The following XKR4 variants were observed in gnomAD, a reference collection of about 807,000 sequenced individuals.
The protein encoded by XKR4 is XK related 4, also known as XK-related protein 4.
In XKR4, 12 loss-of-function variants were observed where a neutral mutation model predicts 53.9. That is an observed-to-expected ratio of 0.22 (90% confidence interval 0.14 to 0.36). XKR4 has a LOEUF of 0.36. Among genes scored for constraint, XKR4 ranks in the 10% least tolerant of loss-of-function variants. XKR4 has a pLI of 1.00. For missense variants in XKR4, 799 were observed against 859.5 expected, an observed-to-expected ratio of 0.93 and a Z score of 0.88; for synonymous variants, 354 against 362.4, an observed-to-expected ratio of 0.98 and a Z score of 0.26.
intron 2 of XKR4, among the ~76,000 whole-genome samples, chr8:55,512,511 T>G (rs892586393): frequency 6.6e-6 from 1 of 152,198 alleles, no homozygotes; most frequent in Admixed American, 6.5e-5. Flanking sequence ...CAAGCCTTAG[T>G]ACACGGGTTC....
chr8:55,427,247 A>G (rs910033427), intron 2 of XKR4, among the ~76,000 whole-genome samples: 2 of 152,262 alleles, frequency 1.3e-5, no homozygotes, highest in Non-Finnish European at 2.9e-5. Context: ...GTAAAAGTAT[A>G]TTAGATGATT....
At chr8:55,131,064 CAGG>C (rs1816547179) in intron 1 of XKR4, among the ~76,000 whole-genome samples, 1 of 152,052 alleles carries the variant, frequency 6.6e-6, no homozygotes, top group Non-Finnish European at 1.5e-5. Flanking sequence ...GAGGCTGAGG[CAGG>C]AGAATCACTT....
intron 1 of XKR4, among the ~76,000 whole-genome samples, chr8:55,206,355 G>A (rs890423748): frequency 3.9e-5 from 6 of 152,124 alleles, no homozygotes; most frequent in Non-Finnish European, 5.9e-5. Context: ...TGGACACAGA[G>A]TGCTGATTGG....
chr8:55,460,622 A>G (rs1383736005), intron 2 of XKR4, among the ~76,000 whole-genome samples: 2 of 152,194 alleles, frequency 1.3e-5, no homozygotes, highest in East Asian at 3.9e-4. Flanking sequence ...AGGGAGTGCC[A>G]GACAGTGGGT....
intron 2 of XKR4, among the ~76,000 whole-genome samples, chr8:55,461,809 G>A (rs1224481147): frequency 6.6e-6 from 1 of 152,218 alleles, no homozygotes; most frequent in African/African-American, 2.4e-5. Context: ...ACCAAGGCAC[G>A]AGAACTATGT....
At position 55,539,047 on chromosome 8, in the gene XKR4, G is replaced by A. The variant is rs1415257731; in HGVS notation, c.*14820G>A. 6.6e-6 allele frequency: 1 copy of A among 152,200 alleles called. No homozygotes were observed. The highest frequency in any genetic ancestry group is 1.5e-5 in the Non-Finnish European group (1 of 68,038). The allele number at this position is 152,200 out of a possible 1,614,324, so 9.4% of individuals were successfully genotyped here. On this transcript the variant is annotated 3_prime_UTR_variant, in exon 3 of 3. Transcript: ENST00000327381. ...TCTACTAAAGGATAAAGGACACAGTGTGAAAACAACATCAGAGAATATCCT... is the reference window on the plus strand; with the variant it reads ...TCTACTAAAGGATAAAGGACACAGTATGAAAACAACATCAGAGAATATCCT...
chr8:55,429,333 A>G (rs938913388), intron 2 of XKR4, among the ~76,000 whole-genome samples: 7 of 152,218 alleles, frequency 4.6e-5, no homozygotes, highest in Admixed American at 3.9e-4. Flanking sequence ...TTAGAAGATA[A>G]TACTGATGAA....
chr8:55,178,954 G>A (rs1414299175), intron 1 of XKR4, among the ~76,000 whole-genome samples: 1 of 152,138 alleles, frequency 6.6e-6, no homozygotes, highest in Non-Finnish European at 1.5e-5. Flanking sequence ...CATCTTGTTG[G>A]TGGGGTATGG....
chr8:55,246,958 A>G (rs926225347), intron 1 of XKR4, among the ~76,000 whole-genome samples: 1 of 152,212 alleles, frequency 6.6e-6, no homozygotes. Context: ...ACAGACCTGC[A>G]GAAAGAGAGA....
At chr8:55,518,546 T>A (rs116177257) in intron 2 of XKR4, among the ~76,000 whole-genome samples, 1 of 152,308 alleles carries the variant, frequency 6.6e-6, no homozygotes, top group African/African-American at 2.4e-5. Flanking sequence ...AATTATAAAG[T>A]GGGATCCATG....
At chr8:55,342,926 T>C (rs951419385) in intron 1 of XKR4, among the ~76,000 whole-genome samples, 10 of 152,216 alleles carry the variant, frequency 6.6e-5, no homozygotes, top group African/African-American at 2.4e-4. Context: ...GAGAGGAGTG[T>C]TGATCTCCAA....
At chr8:55,497,569 A>G (rs538717182) in intron 2 of XKR4, among the ~76,000 whole-genome samples, 71 of 152,322 alleles carry the variant, frequency 4.7e-4, no homozygotes, top group African/African-American at 1.6e-3. Context: ...AGAAAATGTG[A>G]ACTTCATTCT....
rs188332193 is a variant in XKR4, at chr8:55,236,389, C to G, written c.807-121289C>G. Among the ~76,000 whole-genome samples, 4 of 152,278 alleles carry G rather than the reference C, an allele frequency of 2.6e-5. No individual in the cohort carries two copies. The East Asian group carries it at 7.7e-4, about 29-fold the overall frequency. ...CTGCATGAAGGAGCATTTCATGCCT[C>G]AGAGATAATCGATTCAACCTGACTC... On this transcript the variant is annotated intron_variant, in intron 1 of 2. Coordinates refer to ENST00000327381, the MANE Select transcript of XKR4 (RefSeq NM_052898.2).
At chr8:55,288,128 C>T (rs1307510957) in intron 1 of XKR4, among the ~76,000 whole-genome samples, 1 of 152,132 alleles carries the variant, frequency 6.6e-6, no homozygotes, top group Non-Finnish European at 1.5e-5. Flanking sequence ...TCCAATGTGG[C>T]CCAGGGAAGC....
chr8:55,127,784 T>A (rs946914739), intron 1 of XKR4, among the ~76,000 whole-genome samples: 4 of 135,040 alleles, frequency 3.0e-5, no homozygotes, highest in Non-Finnish European at 1.5e-5. Flanking sequence ...CCTGTGTCCA[T>A]GTGTTCTCAT....
intron 1 of XKR4, among the ~76,000 whole-genome samples, chr8:55,124,379 C>T (rs1056533922): frequency 3.3e-5 from 5 of 152,192 alleles, no homozygotes; most frequent in Non-Finnish European, 5.9e-5. Flanking sequence ...TCCCTGAAGG[C>T]GGGACAAAAG....
intron 2 of XKR4, among the ~76,000 whole-genome samples, chr8:55,405,041 A>G (rs1804663624): frequency 6.6e-6 from 1 of 152,226 alleles, no homozygotes. Context: ...CAAGAACTTG[A>G]TGCCTTAATA....
At chr8:55,511,957 T>C (rs1297305879) in intron 2 of XKR4, among the ~76,000 whole-genome samples, 1 of 151,670 alleles carries the variant, frequency 6.6e-6, no homozygotes, top group Non-Finnish European at 1.5e-5. Context: ...GGGAGTGGAG[T>C]GGGGAGGGCA....
intron 1 of XKR4, among the ~76,000 whole-genome samples, chr8:55,152,304 T>C (rs955142397): frequency 1.3e-5 from 2 of 152,310 alleles, no homozygotes; most frequent in Middle Eastern, 3.4e-3. Context: ...CTGTTTAAAG[T>C]TAGATGATAG....
Sources: gnomAD v4.1 joint callset for allele counts (sites outside exome capture counted in the v4.1 genomes callset) on GRCh38, gnomAD v4.1.1 for gene constraint, MANE v1.5 for transcripts, NCBI Gene and HGNC (gene_info 2026-07-23, HGNC 2026-07-21) for gene names.